EGFR: variants seen among roughly 807,000 people sequenced by gnomAD.
EGFR encodes avian erythroblastic leukemia viral (v-erb-b) oncogene homolog.
EGFR carries 58 observed loss-of-function variants against 143.0 expected under a neutral mutation model. That is an observed-to-expected ratio of 0.41 (90% confidence interval 0.33 to 0.50). EGFR has a LOEUF of 0.50. Among genes scored for constraint, EGFR ranks in the 20% least tolerant of loss-of-function variants. The pLI is 0.39. For missense variants in EGFR, 1,307 were observed against 1,579.0 expected (o/e 0.83, Z 2.92); for synonymous variants, 613 against 594.4 (o/e 1.03, Z -0.45).
intron 3 of EGFR, among the ~76,000 whole-genome samples, chr7:55,145,269 T>A (rs1298950672): frequency 2.0e-5 from 3 of 152,220 alleles, no homozygotes; most frequent in African/African-American, 7.2e-5. Flanking sequence ...AGCCTGGACA[T>A]CCCTGTTGGT....
chr7:55,031,566 A>T (rs1026079397), intron 1 of EGFR, among the ~76,000 whole-genome samples: 3 of 152,178 alleles, frequency 2.0e-5, no homozygotes, highest in African/African-American at 4.8e-5. Context: ...GACTTGGGTG[A>T]TTATCTGAGT....
intron 1 of EGFR, among the ~76,000 whole-genome samples, chr7:55,089,996 T>C (rs1406899956): frequency 4.0e-5 from 6 of 151,582 alleles, no homozygotes; most frequent in African/African-American, 1.2e-4. Flanking sequence ...TGAGATGGAG[T>C]CTCACTCTGT....
chr7:55,205,673 A>G lies in EGFR; in HGVS notation c.*56A>G. ...CAGACTCTTTCGATACCCAGGACCA[A>G]GCCACAGCAGGTCCTCCATCCCAAC... On this transcript the variant is annotated 3_prime_UTR_variant, in exon 28 of 28. Transcript: ENST00000275493. 3 of 1,612,874 alleles carry G rather than the reference A, an allele frequency of 1.9e-6. No individual in the cohort carries two copies. In the South Asian group the frequency reaches 3.3e-5, roughly 18 times the overall value.
chr7:55,021,446 T>C (rs73131819), intron 1 of EGFR, among the ~76,000 whole-genome samples: 1,871 of 152,348 alleles, frequency 0.012, 23 homozygotes, highest in South Asian at 0.022. Flanking sequence ...CTATTAGTAG[T>C]TGGAGATTTG....
intron 1 of EGFR, among the ~76,000 whole-genome samples, chr7:55,039,593 G>A (rs1477918389): frequency 6.6e-6 from 1 of 152,226 alleles, no homozygotes; most frequent in East Asian, 1.9e-4. Context: ...ATGGCTGGAG[G>A]CATTCAGAGA....
chr7:55,186,226 CCA>C (rs1466610041), intron 20 of EGFR, among the ~76,000 whole-genome samples: 5 of 152,220 alleles, frequency 3.3e-5, no homozygotes, highest in African/African-American at 9.6e-5. Context: ...TGAGGAAGGG[CCA>C]CAGTGTGTTG....
intron 15 of EGFR, among the ~76,000 whole-genome samples, chr7:55,167,550 G>A (rs1786117937): frequency 8.4e-6 from 1 of 118,744 alleles, no homozygotes; most frequent in Non-Finnish European, 1.8e-5. Context: ...CAGTGGTGGT[G>A]GTGTTGATGG....
chr7:55,097,903 T>C (rs946848566), intron 1 of EGFR, among the ~76,000 whole-genome samples: 2 of 152,232 alleles, frequency 1.3e-5, no homozygotes, highest in African/African-American at 2.4e-5. Context: ...TCTGTACTCT[T>C]GATCTTTCCC....
At chr7:55,124,168 G>A (rs569031905) in intron 1 of EGFR, among the ~76,000 whole-genome samples, 23 of 152,298 alleles carry the variant, frequency 1.5e-4, no homozygotes, top group African/African-American at 5.3e-4. Context: ...GTTTTAAAAT[G>A]TTCAGACTTG....
intron 1 of EGFR, among the ~76,000 whole-genome samples, chr7:55,092,286 T>G (rs539042505): frequency 1.4e-4 from 21 of 152,304 alleles, no homozygotes; most frequent in African/African-American, 5.1e-4. Flanking sequence ...ACAATGTATT[T>G]GAGAAGCCCA....
intron 1 of EGFR, among the ~76,000 whole-genome samples, chr7:55,032,453 C>T (rs556461996): frequency 2.6e-5 from 4 of 152,312 alleles, no homozygotes; most frequent in South Asian, 2.1e-4. Flanking sequence ...CTATGTAGAA[C>T]GGCACCAGCA....
Position 55,019,215 on chromosome 7 carries a change from C to A in EGFR, c.-63C>A, listed in dbSNP as rs555477367. On this transcript the variant is annotated 5_prime_UTR_variant, in exon 1 of 28. Coordinates refer to ENST00000275493, the MANE Select transcript of EGFR (RefSeq NM_005228.5). ...CCGCCAACGCCACAACCACCGCGCA[C>A]GGCCCCCTGACTCCGTCCAGTATTG... 1 of 1,307,778 alleles carries A rather than the reference C, an allele frequency of 7.6e-7. No homozygotes were observed. The highest frequency in any genetic ancestry group is 1.0e-6 in the Non-Finnish European group (1 of 976,908). 81.0% of individuals were successfully genotyped at this position (1,307,778 alleles called of 1,614,324 possible).
chr7:55,089,055 T>C (rs574660122), intron 1 of EGFR, among the ~76,000 whole-genome samples: 5 of 152,362 alleles, frequency 3.3e-5, no homozygotes, highest in African/African-American at 1.2e-4. Context: ...TTTACATACA[T>C]ACAAATATAT....
In EGFR at chr7:55,209,760, C is replaced by T. The variant is rs905058659; in HGVS notation, c.*4143C>T. 7 of 152,144 alleles carry T rather than the reference C, an allele frequency of 4.6e-5. No individual in the cohort carries two copies. Among genetic ancestry groups the T allele is most frequent in the South Asian group, 2.1e-4 (1 of 4,818 alleles). The allele number at this position is 152,144 out of a possible 1,614,324, so 9.4% of individuals were successfully genotyped here. ...TAAATCTATTTTTGTAACTTTGTTGCGGGATATAGTTCTCTTTATGTAGCA... is the reference window on the plus strand; with the variant it reads ...TAAATCTATTTTTGTAACTTTGTTGTGGGATATAGTTCTCTTTATGTAGCA... On this transcript the variant is annotated 3_prime_UTR_variant, in exon 28 of 28. Coordinates refer to ENST00000275493, the MANE Select transcript of EGFR (RefSeq NM_005228.5).
intron 1 of EGFR, among the ~76,000 whole-genome samples, chr7:55,063,204 G>A (rs559626142): frequency 2.0e-5 from 3 of 152,156 alleles, no homozygotes; most frequent in Non-Finnish European, 4.4e-5. Context: ...AAGAACGACC[G>A]ACCTCATTAA....
chr7:55,170,872 G>A, intron 15 of EGFR: 1 of 1,411,978 alleles, frequency 7.1e-7, no homozygotes, highest in Non-Finnish European at 9.2e-7. Flanking sequence ...CCAGCTGTGG[G>A]ACAATTATCT....
intron 17 of EGFR, 131 bp downstream of exon 17, chr7:55,173,255 T>A (rs1166812555): frequency 6.6e-6 from 9 of 1,359,552 alleles, no homozygotes; most frequent in African/African-American, 5.7e-5. Context: ...AAAGAATCTC[T>A]GAATGTGCAG....
chr7:55,058,544 C>A (rs1464265072), intron 1 of EGFR, among the ~76,000 whole-genome samples: 4 of 152,130 alleles, frequency 2.6e-5, no homozygotes, highest in Non-Finnish European at 5.9e-5. Flanking sequence ...AGAACAAGAT[C>A]ATGTCCTTTG....
intron 1 of EGFR, among the ~76,000 whole-genome samples, chr7:55,060,783 C>T (rs976320316): frequency 1.3e-5 from 2 of 152,186 alleles, no homozygotes; most frequent in Admixed American, 6.5e-5. Flanking sequence ...GGTTTTGGGG[C>T]TCTGGATACC....
Sources: gnomAD v4.1 joint callset for allele counts (sites outside exome capture counted in the v4.1 genomes callset) on GRCh38, gnomAD v4.1.1 for gene constraint, MANE v1.5 for transcripts, NCBI Gene and HGNC (gene_info 2026-07-23, HGNC 2026-07-21) for gene names.